CAPS2: variants seen among roughly 807,000 people sequenced by gnomAD.
The protein encoded by CAPS2 is calcyphosine 2, also known as calcyphosin-2.
A neutral mutation model predicts 86.5 loss-of-function variants in CAPS2; 98 were observed. The ratio of observed to expected loss-of-function variants is 1.13; its 90% CI spans 0.96 to 1.34. The LOEUF is 1.34. Ranked by LOEUF, CAPS2 falls within the 40% of genes most tolerant of loss-of-function variation. The pLI is 0.00. For missense variants in CAPS2, 729 were observed against 686.8 expected (o/e 1.06, Z -0.69); for synonymous variants, 210 against 225.1 (o/e 0.93, Z 0.60).
intron 2 of CAPS2, among the ~76,000 whole-genome samples, chr12:75,323,749 A>G (rs977013690): frequency 2.6e-5 from 4 of 152,230 alleles, no homozygotes; most frequent in African/African-American, 9.7e-5. Context: ...GTCTCAAAAT[A>G]AACAAATAAA....
chr12:75,341,747 C>CTTCTTTTT (rs2042130923), intron 1 of CAPS2, among the ~76,000 whole-genome samples: 3 of 83,418 alleles, frequency 3.6e-5, no homozygotes, highest in African/African-American at 5.3e-5. Context: ...CGCCCGGCCT[C>CTTCTTTTT]TTTTTTTTTT....
rs1327391798 is a variant in CAPS2 at position 75,314,521 on chromosome 12, C to G, written c.592-1606G>C. 1.1e-4 allele frequency among the ~76,000 whole-genome samples: 17 copies of G among 152,052 alleles called. 1 individual carries two copies. In the South Asian group the frequency reaches 3.5e-3, roughly 32 times the overall value. Reference sequence around the variant, plus strand: ...TTATGTTATTTAATACATCTTGTGTCACTCTCTAAGCTCATGATGCTTTAT... The same window carrying G: ...TTATGTTATTTAATACATCTTGTGTGACTCTCTAAGCTCATGATGCTTTAT... On this transcript the variant is annotated intron_variant, in intron 6 of 16. Transcript: ENST00000393284.
At chr12:75,367,072 A>T in intron 1 of CAPS2, 1 of 698,738 alleles carries the variant, frequency 1.4e-6, no homozygotes. Context: ...AAATGCACAG[A>T]CAAGCCAACT....
At chr12:75,316,658 T>G (rs2039797250) in intron 5 of CAPS2, among the ~76,000 whole-genome samples, 4 of 152,062 alleles carry the variant, frequency 2.6e-5, no homozygotes, top group Non-Finnish European at 5.9e-5. Flanking sequence ...AAATGCGAAT[T>G]AATAATAGGA....
At chr12:75,275,990 A>T (rs1429364519), downstream of CAPS2, 1 of 395,990 alleles carries the variant, frequency 2.5e-6, no homozygotes, top group Non-Finnish European at 4.5e-6. Context: ...CCAATATGAA[A>T]CATTTATTCT....
intron 1 of CAPS2, among the ~76,000 whole-genome samples, chr12:75,345,598 C>T (rs901616535): frequency 2.0e-5 from 3 of 152,078 alleles, no homozygotes; most frequent in East Asian, 1.9e-4. Flanking sequence ...GTTCACTCTT[C>T]GTTCAACAAC....
At chr12:75,346,516 G>A (rs2042459383) in intron 1 of CAPS2, among the ~76,000 whole-genome samples, 1 of 151,952 alleles carries the variant, frequency 6.6e-6, no homozygotes, top group African/African-American at 2.4e-5. Context: ...TCAGCCTCCT[G>A]AGTAGCTAGG....
intron 11 of CAPS2, among the ~76,000 whole-genome samples, chr12:75,294,762 G>A (rs771220580): frequency 6.6e-6 from 1 of 152,050 alleles, no homozygotes; most frequent in African/African-American, 2.4e-5. Context: ...TGTATGTGTC[G>A]GGATAGGAAG....
intron 1 of CAPS2, among the ~76,000 whole-genome samples, chr12:75,344,713 C>A (rs536520485): frequency 6.6e-6 from 1 of 152,034 alleles, no homozygotes; most frequent in Non-Finnish European, 1.5e-5. Flanking sequence ...TTGTTGAGTG[C>A]TGGGTTCATC....
At chr12:75,313,932 T>G (rs1173999225) in intron 6 of CAPS2, among the ~76,000 whole-genome samples, 1 of 152,222 alleles carries the variant, frequency 6.6e-6, no homozygotes, top group Non-Finnish European at 1.5e-5. Context: ...TTTTTTGGCT[T>G]TTTTTGAGAC....
Position 75,292,839 on chromosome 12 carries a change from A to G in CAPS2, c.1163+410T>C, listed in dbSNP as rs975755137. Reference sequence around the variant, plus strand: ...TTTTCACTGTGCACTTTATCAATCAATGAATACTGTAAGCATATGGGACCC... The same window carrying G: ...TTTTCACTGTGCACTTTATCAATCAGTGAATACTGTAAGCATATGGGACCC... On this transcript the variant is annotated intron_variant, in intron 12 of 16. Transcript: ENST00000393284. Among the ~76,000 whole-genome samples the G allele has an allele frequency of 3.3e-5, 5 of 150,936 alleles. No homozygotes were observed. In the East Asian group the frequency reaches 7.7e-4, roughly 23 times the overall value.
At chr12:75,336,652 C>T (rs1206749579) in intron 1 of CAPS2, among the ~76,000 whole-genome samples, 2 of 151,324 alleles carry the variant, frequency 1.3e-5, no homozygotes, top group Non-Finnish European at 3.0e-5. Context: ...TTTTAATACA[C>T]AAAAATTGGC....
chr12:75,319,602 A>G lies in CAPS2; in HGVS notation c.468+1798T>C, dbSNP rs535103120. The stretch of plus-strand genomic sequence containing the variant: ...CTCGGGTATTTCTTTATAGCAACAC[A>G]AAATGAACGAAGACAAGAATCAAGT... On this transcript the variant is annotated intron_variant, in intron 5 of 16. Coordinates refer to ENST00000393284, the Ensembl canonical transcript of CAPS2. 2.0e-5 allele frequency among the ~76,000 whole-genome samples: 3 copies of G among 152,180 alleles called. No homozygotes were observed. The South Asian group carries it at 6.2e-4, about 31-fold the overall frequency.
At chr12:75,386,665 T>C (rs1277586159) in intron 1 of CAPS2, among the ~76,000 whole-genome samples, 3 of 151,930 alleles carry the variant, frequency 2.0e-5, no homozygotes, top group Admixed American at 6.6e-5. Flanking sequence ...ATTCAAACAA[T>C]AGCAAAAATA....
At position 75,380,731 on chromosome 12, in the gene CAPS2, CTT is replaced by C. The variant is rs200029932; in HGVS notation, c.-395+10105_-395+10106del. 7.8e-3 allele frequency among the ~76,000 whole-genome samples: 1,180 copies of C among 152,190 alleles called. 9 individuals are homozygous for C. The highest frequency in any genetic ancestry group is 0.017 in the Middle Eastern group (5 of 294). On this transcript the variant is annotated intron_variant, in intron 1 of 5. Transcript: ENST00000551829. The stretch of plus-strand genomic sequence containing the variant: ...GCACTAAGTGCCTTACATCTAATAA[CTT>C]ATATAATTCCCTCAATAATGAGGTA...
chr12:75,302,412 T>G (rs1011749687), intron 8 of CAPS2, among the ~76,000 whole-genome samples: 1 of 152,200 alleles, frequency 6.6e-6, no homozygotes, highest in African/African-American at 2.4e-5. Flanking sequence ...GTCATAACCA[T>G]GCATATAACA....
chr12:75,357,781 A>G (rs1437854960), intron 1 of CAPS2, among the ~76,000 whole-genome samples: 1 of 152,020 alleles, frequency 6.6e-6, no homozygotes, highest in Non-Finnish European at 1.5e-5. Flanking sequence ...ATAACTCAAA[A>G]AAGAAGTTAG....
chr12:75,278,425 G>C (rs1159228490), exon 17 of CAPS2: 1 of 984,688 alleles, frequency 1.0e-6, no homozygotes, highest in Admixed American at 6.2e-5. Flanking sequence ...TTATCTCACT[G>C]GCTTTGGGCC....
At chr12:75,385,977 T>C (rs2045270582) in intron 1 of CAPS2, among the ~76,000 whole-genome samples, 1 of 152,218 alleles carries the variant, frequency 6.6e-6, no homozygotes, top group Non-Finnish European at 1.5e-5. Flanking sequence ...TATTCCTTGT[T>C]CATAAATAGA....
Sources: allele counts gnomAD v4.1 joint callset (sites outside exome capture counted in the v4.1 genomes callset), GRCh38; gene constraint gnomAD v4.1.1; transcripts MANE v1.5; gene names NCBI Gene and HGNC (gene_info 2026-07-23, HGNC 2026-07-21).